The following FOCAD variants were observed in gnomAD, a reference collection of about 807,000 sequenced individuals.
The protein encoded by FOCAD is focadhesin, also known as KIAA1797.
In FOCAD, 198 loss-of-function variants were observed where a neutral mutation model predicts 225.6. The observed-to-expected ratio is 0.88, with a 90% CI of 0.78 to 0.99. The LOEUF is 0.99. Among genes scored for constraint, FOCAD ranks in the 50% least tolerant of loss-of-function variants. The probability of loss-of-function intolerance (pLI) is 0.00; values close to 1 mark genes in which losing one functional copy is unlikely to be tolerated. For synonymous variants in FOCAD, 897 were observed against 755.0 expected, an observed-to-expected ratio of 1.19 and a Z score of -3.08; for missense variants, 2,713 against 2,123.6, an observed-to-expected ratio of 1.28 and a Z score of -5.46.
upstream of FOCAD, among the ~76,000 whole-genome samples, chr9:20,656,355 C>T (rs1391538755): frequency 3.3e-5 from 5 of 151,686 alleles, no homozygotes; most frequent in Admixed American, 6.6e-5. Flanking sequence ...TCTCGTTGAT[C>T]TGTCTAATGT....
chr9:20,946,544 A>G (rs541068750), intron 29 of FOCAD, among the ~76,000 whole-genome samples, 157 bp from the exon 30 acceptor site: 7 of 152,352 alleles, frequency 4.6e-5, no homozygotes, highest in African/African-American at 7.2e-5. Context: ...ATATTACAAT[A>G]TAAGTTAGGC....
chr9:20,924,434 A>G (rs1026168507), intron 25 of FOCAD, among the ~76,000 whole-genome samples: 5 of 152,174 alleles, frequency 3.3e-5, no homozygotes, highest in Non-Finnish European at 7.3e-5. Flanking sequence ...ATTTGTAGCA[A>G]TTTCCTCTTT....
At position 20,666,731 on chromosome 9, in the gene FOCAD, G is replaced by A. The variant is rs1821909162; in HGVS notation, c.-78+7905G>A. 2.0e-5 allele frequency among the ~76,000 whole-genome samples: 3 copies of A among 152,156 alleles called. No individual in the cohort carries two copies. The South Asian group carries it at 6.2e-4, about 32-fold the overall frequency. On this transcript the variant is annotated intron_variant, in intron 2 of 45. Coordinates refer to the FOCAD transcript ENST00000380249. ...GTGTTTTCTAGAAAATTATGGTGATGGTTTAAAATGTGGTTCCAGTGGTGG... is the reference window on the plus strand; with the variant it reads ...GTGTTTTCTAGAAAATTATGGTGATAGTTTAAAATGTGGTTCCAGTGGTGG...
intron 30 of FOCAD, among the ~76,000 whole-genome samples, chr9:20,947,835 C>T (rs1383472240): frequency 1.3e-5 from 2 of 152,046 alleles, no homozygotes; most frequent in Admixed American, 1.3e-4. Flanking sequence ...TGGTTATATA[C>T]CCGCTCACTT....
At chr9:20,755,916 T>C (rs1587033973) in intron 5 of FOCAD, among the ~76,000 whole-genome samples, 1 of 152,144 alleles carries the variant, frequency 6.6e-6, no homozygotes, top group Non-Finnish European at 1.5e-5. Flanking sequence ...AGCCTTGGCC[T>C]CCCAAAGTGC....
At chr9:20,919,335 A>G (rs1035813316) in intron 24 of FOCAD, among the ~76,000 whole-genome samples, 1 of 152,232 alleles carries the variant, frequency 6.6e-6, no homozygotes, top group African/African-American at 2.4e-5. Flanking sequence ...AAATGGAAGA[A>G]CATTCCATGT....
At chr9:20,806,654 C>CCATG (rs1822489183) in intron 11 of FOCAD, among the ~76,000 whole-genome samples, 1 of 152,092 alleles carries the variant, frequency 6.6e-6, no homozygotes, top group Non-Finnish European at 1.5e-5. Flanking sequence ...TTGTAAAGTA[C>CCATG]CATGCAAATG....
At chr9:20,799,914 C>T (rs868122132) in intron 11 of FOCAD, among the ~76,000 whole-genome samples, 2 of 151,996 alleles carry the variant, frequency 1.3e-5, no homozygotes, top group Admixed American at 6.6e-5. Context: ...TTATTTTGCT[C>T]GTTAGTTGAT....
intron 21 of FOCAD, among the ~76,000 whole-genome samples, chr9:20,893,760 A>T (rs765438951): frequency 9.2e-5 from 14 of 152,074 alleles, no homozygotes; most frequent in Non-Finnish European, 2.1e-4. Flanking sequence ...TGTATGGAGC[A>T]TTCCCATACA....
At chr9:20,762,766 G>T (rs1370964890) in intron 6 of FOCAD, among the ~76,000 whole-genome samples, 1 of 152,086 alleles carries the variant, frequency 6.6e-6, no homozygotes, top group African/African-American at 2.4e-5. Flanking sequence ...TATTGATTCT[G>T]TCACCCCGTA....
chr9:20,969,120 G>A lies in FOCAD; in HGVS notation c.4133-7300G>A, dbSNP rs1188459130. Among the ~76,000 whole-genome samples the A allele has an allele frequency of 4.6e-5, 7 of 151,994 alleles. No individual in the cohort carries two copies. In the East Asian group the frequency reaches 1.4e-3, roughly 29 times the overall value. ...CTGTTCTTGATTTCTATTCCATTGT[G>A]TTTATGAAAATACTTGGTATGGTTT... On this transcript the variant is annotated intron_variant, in intron 35 of 43. Coordinates refer to ENST00000338382, the MANE Select transcript of FOCAD (RefSeq NM_001375567.1).
At chr9:20,693,126 A>T (rs1167361461) in intron 1 of FOCAD, among the ~76,000 whole-genome samples, 1 of 152,112 alleles carries the variant, frequency 6.6e-6, no homozygotes. Flanking sequence ...GCTTGCCATG[A>T]TCTGACCCAT....
chr9:20,968,983 G>T (rs1049120777), intron 35 of FOCAD, among the ~76,000 whole-genome samples: 1 of 151,866 alleles, frequency 6.6e-6, no homozygotes, highest in African/African-American at 2.4e-5. Flanking sequence ...ATTTTCATTT[G>T]TCTCAAAGTA....
chr9:20,670,124 CAAT>C, intron 2 of FOCAD, among the ~76,000 whole-genome samples: 1 of 152,324 alleles, frequency 6.6e-6, no homozygotes, highest in South Asian at 2.1e-4. Flanking sequence ...GCATTAACAA[CAAT>C]AATATCTATA....
At chr9:20,873,836 A>T (rs921813694) in intron 18 of FOCAD, 2 of 152,158 alleles carry the variant, frequency 1.3e-5, no homozygotes, top group African/African-American at 4.8e-5. Context: ...TCTGGGATAC[A>T]GGCTAATGGT....
chr9:20,775,303 A>C (rs1563975630), intron 8 of FOCAD, among the ~76,000 whole-genome samples: 2 of 152,196 alleles, frequency 1.3e-5, no homozygotes, highest in Non-Finnish European at 2.9e-5. Context: ...AAATTAGGCA[A>C]AAATGATGCT....
chr9:20,773,489 C>G (rs542513822), intron 8 of FOCAD, among the ~76,000 whole-genome samples: 1 of 152,250 alleles, frequency 6.6e-6, no homozygotes, highest in Admixed American at 6.5e-5. Context: ...GCAAATAGCA[C>G]ATAGATCAAA....
chr9:20,807,512 C>A (rs1436551294), intron 11 of FOCAD, among the ~76,000 whole-genome samples: 1 of 152,160 alleles, frequency 6.6e-6, no homozygotes, highest in Non-Finnish European at 1.5e-5. Context: ...CCCAGTATAT[C>A]TGAAGTATTA....
chr9:20,913,026 A>G, intron 23 of FOCAD, 72 bp downstream of exon 23: 1 of 1,267,612 alleles, frequency 7.9e-7, no homozygotes, highest in Non-Finnish European at 1.1e-6. Context: ...TAACTACTTT[A>G]AAGGCTTTAA....
Sources: allele counts gnomAD v4.1 joint callset (sites outside exome capture counted in the v4.1 genomes callset), GRCh38; gene constraint gnomAD v4.1.1; transcripts MANE v1.5; gene names NCBI Gene and HGNC (gene_info 2026-07-23, HGNC 2026-07-21).